The following YEATS2 variants were observed in gnomAD, a reference collection of about 807,000 sequenced individuals.
The protein encoded by YEATS2 is YEATS domain-containing protein 2.
YEATS2 carries 77 observed loss-of-function variants against 163.2 expected under a neutral mutation model. That is an observed-to-expected ratio of 0.47 (90% CI 0.39 to 0.57). The LOEUF is 0.57. Among genes scored for constraint, YEATS2 ranks in the 20% least tolerant of loss-of-function variants. The pLI is 0.00. For synonymous variants in YEATS2, 631 were observed against 645.1 expected (o/e 0.98, Z 0.33); for missense variants, 1,549 against 1,729.8 (o/e 0.90, Z 1.85).
At chr3:183,803,511 T>C in intron 26 of YEATS2, 176 bp downstream of exon 26, 1 of 645,714 alleles carries the variant, frequency 1.5e-6, no homozygotes, top group Non-Finnish European at 2.7e-6. Context: ...GTGCCTTCTT[T>C]TCCTGCACTG....
chr3:183,773,205 G>A (rs1169481897), intron 16 of YEATS2, among the ~76,000 whole-genome samples: 1 of 152,186 alleles, frequency 6.6e-6, no homozygotes, highest in South Asian at 2.1e-4. Context: ...CCAGTTAGGA[G>A]CACACATTTG....
At chr3:183,810,443 C>T in intron 30 of YEATS2, 32 bp from the exon 31 acceptor site, 1 of 1,570,122 alleles carries the variant, frequency 6.4e-7, no homozygotes, top group Non-Finnish European at 8.8e-7. Flanking sequence ...GAGAGAATTT[C>T]ACCTGGTAAC....
At chr3:183,793,938 A>G (rs546292380) in intron 21 of YEATS2, among the ~76,000 whole-genome samples, 2 of 152,206 alleles carry the variant, frequency 1.3e-5, no homozygotes, top group African/African-American at 4.8e-5. Context: ...GGATCAAACT[A>G]TTTCCTACTT....
chr3:183,764,060 T>C (rs1008248977), intron 15 of YEATS2, among the ~76,000 whole-genome samples: 4 of 151,462 alleles, frequency 2.6e-5, no homozygotes, highest in African/African-American at 9.7e-5. Context: ...AGAGGGAGAC[T>C]GTCTCAAAAA....
chr3:183,795,670 C>CAGT (rs1725079310), intron 21 of YEATS2, among the ~76,000 whole-genome samples: 2 of 151,860 alleles, frequency 1.3e-5, no homozygotes, highest in Non-Finnish European at 2.9e-5. Context: ...AAGTGGCTAC[C>CAGT]AGTAGGGAAC....
At chr3:183,702,012 A>G (rs1475593577) in intron 1 of YEATS2, among the ~76,000 whole-genome samples, 1 of 152,314 alleles carries the variant, frequency 6.6e-6, no homozygotes, top group East Asian at 1.9e-4. Flanking sequence ...CAATGGGCTC[A>G]TATTTCACCT....
chr3:183,716,996 G>C (rs999662263), intron 2 of YEATS2, among the ~76,000 whole-genome samples: 1 of 151,576 alleles, frequency 6.6e-6, no homozygotes, highest in African/African-American at 2.4e-5. Context: ...AAGTTCAAGC[G>C]ATTCTCCTGC....
In YEATS2 at chr3:183,752,067, G is replaced by A. The variant is rs1286983443; in HGVS notation, c.970-6G>A. 12 of 1,613,784 alleles carry A rather than the reference G, an allele frequency of 7.4e-6. No individual in the cohort carries two copies. Among genetic ancestry groups the A allele is most frequent in the Non-Finnish European group, 1.0e-5 (12 of 1,179,978 alleles). On this transcript the variant is annotated splice_region_variant and splice_polypyrimidine_tract_variant and intron_variant, in intron 9 of 30. Transcript: ENST00000305135. ...TCATGAGCCTGATTGTTGCCCAATT[G>A]TCTAGGTAGTGGATGTTGAACTCCA...
At chr3:183,722,290 T>C (rs1336745118) in intron 5 of YEATS2, among the ~76,000 whole-genome samples, 154 bp downstream of exon 5, 4 of 141,554 alleles carry the variant, frequency 2.8e-5, no homozygotes, top group Non-Finnish European at 6.1e-5. Context: ...TTTTTTTTTT[T>C]TTTTTTTTTT....
chr3:183,759,377 C>T (rs1721109723), intron 13 of YEATS2, among the ~76,000 whole-genome samples: 1 of 152,170 alleles, frequency 6.6e-6, no homozygotes, highest in Admixed American at 6.5e-5. Flanking sequence ...CACCCAGTAT[C>T]AATTTAAAAA....
At chr3:183,713,746 GT>G (rs1715511609) in intron 1 of YEATS2, among the ~76,000 whole-genome samples, 1 of 152,248 alleles carries the variant, frequency 6.6e-6, no homozygotes, top group African/African-American at 2.4e-5. Context: ...AACTCGTGCA[GT>G]GATGTGAATG....
Position 183,736,797 on chromosome 3 carries a change from A to C in YEATS2, c.892A>C (p.Asn298His), listed in dbSNP as rs769729735. Residue 298 changes from asparagine to histidine, a missense_variant, in exon 8 of 31, where the codon AAC becomes CAC. By Grantham distance (68) the Asn-to-His change is moderately conservative. Transcript: ENST00000305135. The stretch of plus-strand genomic sequence containing the variant: ...TCAAGTTCATTTTAAGGACAGCCAG[A>C]ACAAGCGGATAGATATCATACATAA... ...RVQVHFKDSQ[N>H]KRIDIIHNLK... 1.2e-6 allele frequency: 2 copies of C among 1,614,016 alleles called. No homozygotes were observed. Among genetic ancestry groups the C allele is most frequent in the East Asian group, 4.5e-5 (2 of 44,858 alleles).
intron 15 of YEATS2, among the ~76,000 whole-genome samples, chr3:183,770,495 A>G (rs1038790382): frequency 6.6e-6 from 1 of 152,262 alleles, no homozygotes; most frequent in South Asian, 2.1e-4. Flanking sequence ...CTAAAATTCC[A>G]GTAACATATG....
At chr3:183,706,019 A>G (rs536372200) in intron 1 of YEATS2, among the ~76,000 whole-genome samples, 15 of 151,754 alleles carry the variant, frequency 9.9e-5, no homozygotes, top group Non-Finnish European at 2.1e-4. Flanking sequence ...ATCCTGGGTG[A>G]CAGAGCAAGA....
rs564543221 is a variant in YEATS2, at chr3:183,738,364, C to T, written c.924+1535C>T. 2.7e-5 allele frequency among the ~76,000 whole-genome samples: 4 copies of T among 149,348 alleles called. No homozygotes were observed. In the South Asian group the frequency reaches 8.5e-4, roughly 32 times the overall value. ...AAAGCGAGGCCTCTGTGCCAAACAG[C>T]CAAGTTGTAAATGCAAAGGAAAAGT... On this transcript the variant is annotated intron_variant, in intron 8 of 30. Transcript: ENST00000305135.
At chr3:183,731,629 A>G (rs537557484) in intron 7 of YEATS2, among the ~76,000 whole-genome samples, 2 of 152,344 alleles carry the variant, frequency 1.3e-5, no homozygotes, top group East Asian at 3.9e-4. Context: ...GTCACTTATC[A>G]AGATATATTA....
intron 19 of YEATS2, among the ~76,000 whole-genome samples, chr3:183,779,975 C>T (rs992172936): frequency 8.0e-5 from 12 of 150,036 alleles, no homozygotes; most frequent in Admixed American, 2.7e-4. Flanking sequence ...AGATTACAGG[C>T]GTGAGCCACC....
At chr3:183,724,776 CTTG>C (rs932981026) in intron 6 of YEATS2, among the ~76,000 whole-genome samples, 34 of 152,272 alleles carry the variant, frequency 2.2e-4, no homozygotes, top group African/African-American at 8.2e-4. Context: ...GAGTTTCGCT[CTTG>C]TTGTCCAGAC....
At chr3:183,706,497 TGTACA>T (rs1714629393) in intron 1 of YEATS2, among the ~76,000 whole-genome samples, 1 of 152,178 alleles carries the variant, frequency 6.6e-6, no homozygotes, top group East Asian at 1.9e-4. Flanking sequence ...AGATTTTGCG[TGTACA>T]GTTGGGTGTT....
Sources: allele counts gnomAD v4.1 joint callset (sites outside exome capture counted in the v4.1 genomes callset), GRCh38; gene constraint gnomAD v4.1.1; transcripts MANE v1.5; gene names NCBI Gene and HGNC (gene_info 2026-07-23, HGNC 2026-07-21).